Variants in CCDC91 observed in about 807,000 individuals in gnomAD.
CCDC91 encodes coiled-coil domain-containing protein 91.
A neutral mutation model predicts 63.2 loss-of-function variants in CCDC91; 48 were observed. The ratio of observed to expected loss-of-function variants is 0.76; its 90% confidence interval spans 0.60 to 0.97. The LOEUF (loss-of-function observed/expected upper bound fraction) is 0.97. Ranked by LOEUF, CCDC91 falls within the 50% of genes least tolerant of loss-of-function variation. The pLI, the probability that CCDC91 is intolerant of heterozygous loss-of-function variation, is 0.00. For synonymous variants in CCDC91, 167 were observed against 165.8 expected (o/e 1.01, Z -0.06); for missense variants, 500 against 494.6 (o/e 1.01, Z -0.10).
intron 8 of CCDC91, among the ~76,000 whole-genome samples, chr12:28,394,601 G>T (rs1486909114): frequency 2.6e-5 from 4 of 152,032 alleles, no homozygotes; most frequent in African/African-American, 9.7e-5. Flanking sequence ...CATTTGAAAT[G>T]AAATTAGTAC....
chr12:28,379,403 C>T (rs1026720828), intron 7 of CCDC91, among the ~76,000 whole-genome samples: 16 of 147,256 alleles, frequency 1.1e-4, no homozygotes, highest in African/African-American at 3.8e-4. Context: ...GTCTACCCAT[C>T]TGACAAAGGG....
intron 6 of CCDC91, among the ~76,000 whole-genome samples, chr12:28,315,955 A>G (rs1462888684): frequency 2.0e-5 from 3 of 151,912 alleles, no homozygotes; most frequent in African/African-American, 7.2e-5. Flanking sequence ...GCCTTTTCAT[A>G]GTGACTCATA....
chr12:28,345,370 A>G (rs1029152975), intron 6 of CCDC91, among the ~76,000 whole-genome samples: 6 of 152,100 alleles, frequency 3.9e-5, no homozygotes, highest in Non-Finnish European at 7.4e-5. Flanking sequence ...TTAATAATCT[A>G]TTTAATGGGT....
chr12:28,271,042 A>G (rs1371313610), intron 3 of CCDC91, among the ~76,000 whole-genome samples: 1 of 152,164 alleles, frequency 6.6e-6, no homozygotes, highest in African/African-American at 2.4e-5. Flanking sequence ...GGAGATATGG[A>G]GTGCCAGCAT....
intron 12 of CCDC91, among the ~76,000 whole-genome samples, chr12:28,541,544 G>T (rs1942632112): frequency 6.6e-6 from 1 of 152,002 alleles, no homozygotes; most frequent in African/African-American, 2.4e-5. Flanking sequence ...GAAACAATAG[G>T]ATTGCTAAAA....
chr12:28,421,485 T>C (rs1002440424), intron 8 of CCDC91, among the ~76,000 whole-genome samples: 24 of 152,036 alleles, frequency 1.6e-4, no homozygotes, highest in Non-Finnish European at 3.4e-4. Context: ...CCTAGTTAGA[T>C]TGCTTAGGAA....
chr12:28,328,305 C>T (rs1941200005), intron 6 of CCDC91, among the ~76,000 whole-genome samples: 1 of 151,890 alleles, frequency 6.6e-6, no homozygotes, highest in Non-Finnish European at 1.5e-5. Context: ...ATTTGCAACT[C>T]ATTTTTCTGC....
chr12:28,415,025 A>G (rs1947550538), intron 8 of CCDC91, among the ~76,000 whole-genome samples: 1 of 152,142 alleles, frequency 6.6e-6, no homozygotes, highest in African/African-American at 2.4e-5. Flanking sequence ...TATAGAAAAC[A>G]CTTATGCGGA....
intron 1 of CCDC91, among the ~76,000 whole-genome samples, chr12:28,249,040 C>T (rs1945946166): frequency 6.6e-6 from 1 of 152,124 alleles, no homozygotes. Context: ...TGAGGGACTT[C>T]TCTTAAAATG....
At chr12:28,454,991 C>T (rs1194900024) in intron 11 of CCDC91, among the ~76,000 whole-genome samples, 2 of 152,020 alleles carry the variant, frequency 1.3e-5, no homozygotes, top group Non-Finnish European at 2.9e-5. Flanking sequence ...CCTGTTTCAC[C>T]TCTTGTTGAC....
At chr12:28,421,968 G>T (rs532097687) in intron 8 of CCDC91, among the ~76,000 whole-genome samples, 2 of 152,142 alleles carry the variant, frequency 1.3e-5, no homozygotes, top group South Asian at 4.2e-4. Context: ...TTGAGTACTT[G>T]TTGTGCTTTT....
At chr12:28,535,954 G>A (rs780463091) in intron 12 of CCDC91, among the ~76,000 whole-genome samples, 14 of 151,940 alleles carry the variant, frequency 9.2e-5, no homozygotes, top group Admixed American at 2.6e-4. Context: ...GCATGAACCC[G>A]GGAGGCGTAG....
chr12:28,334,099 A>C (rs947178503), intron 6 of CCDC91, among the ~76,000 whole-genome samples: 1 of 151,844 alleles, frequency 6.6e-6, no homozygotes, highest in African/African-American at 2.4e-5. Context: ...TTTTAGCCTT[A>C]AAGTATCAAG....
chr12:28,298,075 C>T (rs1278013750), intron 3 of CCDC91, among the ~76,000 whole-genome samples: 2 of 151,488 alleles, frequency 1.3e-5, no homozygotes, highest in East Asian at 3.9e-4. Context: ...ATCTAGTTCT[C>T]ACTTAGAGGG....
chr12:28,537,669 G>A (rs1219882184), intron 12 of CCDC91, among the ~76,000 whole-genome samples: 2 of 152,166 alleles, frequency 1.3e-5, no homozygotes, highest in East Asian at 3.8e-4. Context: ...AAATCATTCT[G>A]TCTTTGTACT....
At chr12:28,346,490 T>C (rs1189819347) in intron 6 of CCDC91, among the ~76,000 whole-genome samples, 1 of 152,214 alleles carries the variant, frequency 6.6e-6, no homozygotes, top group African/African-American at 2.4e-5. Context: ...TGGGCCTATA[T>C]TTGTCTATTG....
At chr12:28,481,102 C>A (rs1286155559) in intron 11 of CCDC91, among the ~76,000 whole-genome samples, 6 of 151,962 alleles carry the variant, frequency 3.9e-5, no homozygotes, top group African/African-American at 1.4e-4. Context: ...ATGGAACTTT[C>A]TCCACATTTG....
chr12:28,190,797 G>A (rs1457698835), intron 1 of CCDC91, 156 bp downstream of exon 1: 1 of 152,272 alleles, frequency 6.6e-6, no homozygotes, highest in Non-Finnish European at 1.5e-5. Context: ...GCGACCAGGA[G>A]TCAGGGGGCG....
intron 8 of CCDC91, among the ~76,000 whole-genome samples, chr12:28,438,692 G>C (rs2140175037): frequency 6.6e-6 from 1 of 152,190 alleles, no homozygotes; most frequent in Non-Finnish European, 1.5e-5. Context: ...TCTGATGTGA[G>C]AAAGCTGTAT....
Sources: allele counts gnomAD v4.1 joint callset (sites outside exome capture counted in the v4.1 genomes callset), GRCh38; gene constraint gnomAD v4.1.1; transcripts MANE v1.5; gene names NCBI Gene and HGNC (gene_info 2026-07-23, HGNC 2026-07-21).